The following IP6K1 variants were observed in gnomAD, a reference collection of about 807,000 sequenced individuals.
IP6K1 encodes the protein ATP:1D-myo-inositol-hexakisphosphate phosphotransferase.
IP6K1 carries 13 observed loss-of-function variants against 38.3 expected under a neutral mutation model. The observed-to-expected ratio is 0.34, with a 90% confidence interval of 0.22 to 0.54. The LOEUF is 0.54. Among genes scored for constraint, IP6K1 ranks in the 20% least tolerant of loss-of-function variants. The probability of loss-of-function intolerance (pLI) is 0.92; values close to 1 mark genes in which losing one functional copy is unlikely to be tolerated. For missense variants in IP6K1, 397 were observed against 599.8 expected (o/e 0.66, Z 3.53); for synonymous variants, 212 against 229.9 (o/e 0.92, Z 0.70).
chr3:49,775,680 A>C, intron 1 of IP6K1: 1 of 493,508 alleles, frequency 2.0e-6, no homozygotes. Context: ...GATGCCTGCT[A>C]CTCCCGGCAG....
At chr3:49,745,718 G>A (rs1365470927) in intron 2 of IP6K1, among the ~76,000 whole-genome samples, 1 of 147,106 alleles carries the variant, frequency 6.8e-6, no homozygotes, top group Non-Finnish European at 1.5e-5. Context: ...AGTTAGGCGT[G>A]GTGGCACATG....
At position 49,780,341 on chromosome 3, in the gene IP6K1, C is replaced by CACACACACAG. The variant is rs1025490190; in HGVS notation, c.-129+6012_-129+6013insCTGTGTGTGT. Among the ~76,000 whole-genome samples the CACACACACAG allele has an allele frequency of 1.6e-3, 250 of 152,022 alleles. 2 individuals carry two copies. The highest frequency in any genetic ancestry group is 5.7e-3 in the African/African-American group (238 of 41,432). On this transcript the variant is annotated intron_variant, in intron 1 of 5. Coordinates refer to ENST00000321599, the MANE Select transcript of IP6K1 (RefSeq NM_153273.4). ...ACACACACACACACACACACACACACAGTCTTAGGCTTTCCTACCCAGAAT... is the reference window on the plus strand; with the variant it reads ...ACACACACACACACACACACACACACACACACACAGAGTCTTAGGCTTTCCTACCCAGAAT...
chr3:49,737,943 G>C (rs563203902), intron 3 of IP6K1, among the ~76,000 whole-genome samples: 1 of 152,294 alleles, frequency 6.6e-6, no homozygotes, highest in East Asian at 1.9e-4. Context: ...TGAAAAGCCA[G>C]AGAACCTTTT....
intron 1 of IP6K1, among the ~76,000 whole-genome samples, chr3:49,749,867 A>C (rs2080757327): frequency 6.7e-6 from 1 of 149,726 alleles, no homozygotes; most frequent in Non-Finnish European, 1.5e-5. Flanking sequence ...ATCCTGAATG[A>C]AGTCTAGGAA....
chr3:49,739,078 C>A (rs573516115), intron 2 of IP6K1, among the ~76,000 whole-genome samples: 2 of 152,118 alleles, frequency 1.3e-5, no homozygotes, highest in Non-Finnish European at 2.9e-5. Flanking sequence ...ACAAATAAGA[C>A]CCCTCTCAAG....
intron 2 of IP6K1, among the ~76,000 whole-genome samples, chr3:49,747,438 ACAGCACCACTGC>A (rs2080730425): frequency 6.6e-6 from 1 of 152,152 alleles, no homozygotes; most frequent in African/African-American, 2.4e-5. Flanking sequence ...CAGGATACAC[ACAGCACCACTGC>A]CAGCTATCTA....
intron 1 of IP6K1, among the ~76,000 whole-genome samples, chr3:49,771,237 C>T (rs1466771723): frequency 6.8e-6 from 1 of 147,416 alleles, no homozygotes; most frequent in Non-Finnish European, 1.5e-5. Flanking sequence ...GTGGTGAACA[C>T]CTATAGTCCC....
At chr3:49,750,024 A>G (rs2080759236) in intron 1 of IP6K1, among the ~76,000 whole-genome samples, 1 of 152,186 alleles carries the variant, frequency 6.6e-6, no homozygotes, top group African/African-American at 2.4e-5. Flanking sequence ...CCATATCAAT[A>G]TACCACTGTG....
At chr3:49,750,895 T>C (rs2080768838) in intron 1 of IP6K1, among the ~76,000 whole-genome samples, 1 of 152,162 alleles carries the variant, frequency 6.6e-6, no homozygotes, top group Admixed American at 6.6e-5. Context: ...AGAGTAAATA[T>C]ACCACATATC....
intron 1 of IP6K1, among the ~76,000 whole-genome samples, chr3:49,774,639 T>C (rs2080991050): frequency 6.6e-6 from 1 of 152,100 alleles, no homozygotes; most frequent in Non-Finnish European, 1.5e-5. Context: ...TGACTTTTAA[T>C]GGGAGAGGGA....
intron 2 of IP6K1, 145 bp from the exon 3 acceptor site, chr3:49,738,567 G>C (rs1453333927): frequency 1.5e-6 from 1 of 655,886 alleles, no homozygotes; most frequent in African/African-American, 1.8e-5. Flanking sequence ...ACAACAGCCA[G>C]CAGACAGTAA....
chr3:49,734,892 AAC>A (rs2080593921), intron 3 of IP6K1, among the ~76,000 whole-genome samples: 1 of 152,224 alleles, frequency 6.6e-6, no homozygotes, highest in Non-Finnish European at 1.5e-5. Flanking sequence ...TCTCTCTGCT[AAC>A]AGGTCAGACA....
At chr3:49,728,389 T>A in intron 4 of IP6K1, 111 bp from the exon 5 acceptor site, 1 of 946,902 alleles carries the variant, frequency 1.1e-6, no homozygotes, top group South Asian at 1.7e-5. Flanking sequence ...AGTATGTACT[T>A]GTCTCAAACT....
chr3:49,771,212 A>AAAAAAC (rs1559714465), intron 1 of IP6K1, among the ~76,000 whole-genome samples: 5 of 126,730 alleles, frequency 3.9e-5, no homozygotes, highest in Admixed American at 7.9e-5. Flanking sequence ...AAAAAAAAAA[A>AAAAAAC]CCCTGCCAGG....
At chr3:49,778,590 GC>G (rs2081038950) in intron 1 of IP6K1, among the ~76,000 whole-genome samples, 1 of 152,046 alleles carries the variant, frequency 6.6e-6, no homozygotes, top group Non-Finnish European at 1.5e-5. Context: ...CCGAGATCGT[GC>G]CTCTGCAATC....
Position 49,755,008 on chromosome 3 carries a change from C to T in IP6K1, c.-128-6840G>A, listed in dbSNP as rs9835941. Among the ~76,000 whole-genome samples the T allele has an allele frequency of 1.9e-3, 288 of 151,038 alleles. 1 individual carries two copies. The highest frequency in any genetic ancestry group is 6.8e-3 in the African/African-American group (279 of 41,160). On this transcript the variant is annotated intron_variant, in intron 1 of 5. Transcript: ENST00000321599. ...CACAACACAGTTCACTACATCACTA[C>T]AGCCTCGACCTCCTGGGCTCAAGTG...
chr3:49,733,075 A>G, intron 3 of IP6K1, 103 bp from the exon 4 acceptor site: 1 of 798,696 alleles, frequency 1.3e-6, no homozygotes, highest in Non-Finnish European at 2.0e-6. Context: ...AGACCCACAG[A>G]CCCTGCTAAT....
intron 2 of IP6K1, among the ~76,000 whole-genome samples, chr3:49,739,546 G>A (rs534667007): frequency 1.4e-4 from 22 of 151,832 alleles, no homozygotes; most frequent in African/African-American, 5.3e-4. Context: ...AGTAGAGACG[G>A]GGTTTCACCA....
chr3:49,777,715 C>G (rs543438451), intron 1 of IP6K1, among the ~76,000 whole-genome samples: 7 of 151,038 alleles, frequency 4.6e-5, no homozygotes, highest in African/African-American at 1.7e-4. Flanking sequence ...GAGATCGAGA[C>G]CATCCTGGCT....
Sources: allele counts gnomAD v4.1 joint callset (sites outside exome capture counted in the v4.1 genomes callset), GRCh38; gene constraint gnomAD v4.1.1; transcripts MANE v1.5; gene names NCBI Gene and HGNC (gene_info 2026-07-23, HGNC 2026-07-21).